The following MITF variants were observed in gnomAD, a reference collection of about 807,000 sequenced individuals.
MITF encodes the protein microphthalmia-associated transcription factor.
A neutral mutation model predicts 60.5 loss-of-function variants in MITF; 17 were observed. The observed-to-expected ratio is 0.28, with a 90% CI of 0.19 to 0.42. The LOEUF (loss-of-function observed/expected upper bound fraction) is 0.42. Among genes scored for constraint, MITF ranks in the 10% least tolerant of loss-of-function variants. The probability of loss-of-function intolerance (pLI) is 1.00; values close to 1 mark genes in which losing one functional copy is unlikely to be tolerated. For missense variants in MITF, 622 were observed against 683.5 expected, an observed-to-expected ratio of 0.91 and a Z score of 1.00; for synonymous variants, 260 against 248.5, an observed-to-expected ratio of 1.05 and a Z score of -0.43.
intron 2 of MITF, among the ~76,000 whole-genome samples, chr3:69,893,888 G>A (rs955195170): frequency 6.6e-5 from 10 of 152,144 alleles, no homozygotes; most frequent in African/African-American, 2.4e-4. Flanking sequence ...CTACATAAAA[G>A]ACTTATATGT....
intron 2 of MITF, among the ~76,000 whole-genome samples, chr3:69,892,461 A>G (rs932821901): frequency 4.6e-5 from 7 of 152,258 alleles, no homozygotes; most frequent in African/African-American, 1.7e-4. Flanking sequence ...TCCAAACTTT[A>G]TGTTAGTGTT....
chr3:69,901,515 A>G (rs1174995514), intron 2 of MITF, among the ~76,000 whole-genome samples: 2 of 151,568 alleles, frequency 1.3e-5, no homozygotes, highest in Non-Finnish European at 2.9e-5. Context: ...CCACACTTCA[A>G]TTTTCTTTAA....
chr3:69,783,280 T>C (rs998253287), intron 1 of MITF, among the ~76,000 whole-genome samples: 4 of 152,162 alleles, frequency 2.6e-5, no homozygotes, highest in African/African-American at 9.7e-5. Flanking sequence ...GGATGCTCCT[T>C]GTCTCTCTTG....
intron 1 of MITF, among the ~76,000 whole-genome samples, chr3:69,753,988 G>A (rs558247217): frequency 6.6e-6 from 1 of 152,268 alleles, no homozygotes; most frequent in South Asian, 2.1e-4. Context: ...GAAGGAAGAA[G>A]GATATGTGAT....
At chr3:69,820,782 G>T (rs922017837) in intron 1 of MITF, among the ~76,000 whole-genome samples, 1 of 152,098 alleles carries the variant, frequency 6.6e-6, no homozygotes, top group South Asian at 2.1e-4. Flanking sequence ...TGCACTTTGG[G>T]CAACATCGTG....
At chr3:69,783,654 A>T (rs1404166928) in intron 1 of MITF, among the ~76,000 whole-genome samples, 1 of 152,044 alleles carries the variant, frequency 6.6e-6, no homozygotes, top group Non-Finnish European at 1.5e-5. Context: ...TATTATACTT[A>T]TTTGCAAGGT....
chr3:69,845,278 A>G (rs1185750715), intron 1 of MITF, among the ~76,000 whole-genome samples: 1 of 151,936 alleles, frequency 6.6e-6, no homozygotes, highest in African/African-American at 2.4e-5. Flanking sequence ...AAATTAGGAG[A>G]ATGACTTCTT....
chr3:69,740,042 C>T (rs1158399726), intron 1 of MITF, among the ~76,000 whole-genome samples: 1 of 152,098 alleles, frequency 6.6e-6, no homozygotes, highest in Admixed American at 6.5e-5. Context: ...GAGCGCCGGG[C>T]CGGGACGCTG....
chr3:69,967,544 A>G lies in MITF; in HGVS notation c.*2296A>G, dbSNP rs535886945. 22 of 233,572 alleles carry G rather than the reference A, an allele frequency of 9.4e-5. 1 individual carries two copies. In the South Asian group the frequency reaches 3.6e-3, roughly 38 times the overall value. The allele number at this position is 233,572 out of a possible 1,614,324, so 14.5% of individuals were successfully genotyped here. ...AACAGGACCATGGTTAAGCAACCAT[A>G]TAGAAAGCTTTGTTGAAAGAAAGTA... On this transcript the variant is annotated 3_prime_UTR_variant, in exon 10 of 10. Transcript: ENST00000352241.
chr3:69,840,706 C>A (rs2063620315), intron 1 of MITF, among the ~76,000 whole-genome samples: 1 of 151,602 alleles, frequency 6.6e-6, no homozygotes, highest in African/African-American at 2.4e-5. Flanking sequence ...TATTTCTCAA[C>A]ATGTCATCGA....
intron 4 of MITF, among the ~76,000 whole-genome samples, chr3:69,939,440 A>G (rs2065920580): frequency 6.6e-6 from 1 of 152,152 alleles, no homozygotes; most frequent in South Asian, 2.1e-4. Context: ...AAATTTTAAT[A>G]AGATATGAAA....
intron 1 of MITF, among the ~76,000 whole-genome samples, chr3:69,870,440 A>ATATTTT (rs1435617160): frequency 3.0e-5 from 4 of 135,260 alleles, no homozygotes; most frequent in African/African-American, 1.1e-4. Flanking sequence ...ATATATATAT[A>ATATTTT]TTTTTTTTTT....
At chr3:69,797,774 A>G (rs529570399) in intron 1 of MITF, among the ~76,000 whole-genome samples, 1 of 152,336 alleles carries the variant, frequency 6.6e-6, no homozygotes, top group African/African-American at 2.4e-5. Flanking sequence ...AACATTTTTC[A>G]TCTATAACCA....
intron 1 of MITF, among the ~76,000 whole-genome samples, chr3:69,845,650 GTGTT>G (rs1009140825): frequency 2.9e-4 from 44 of 152,038 alleles, no homozygotes; most frequent in African/African-American, 1.0e-3. Context: ...GCCTTTAGAT[GTGTT>G]TGTGTCTAGT....
chr3:69,894,465 C>G (rs913629207), intron 2 of MITF, among the ~76,000 whole-genome samples: 1 of 152,120 alleles, frequency 6.6e-6, no homozygotes, highest in Non-Finnish European at 1.5e-5. Flanking sequence ...GTGGGTGGAT[C>G]ACCTGAGGTC....
chr3:69,773,362 G>A (rs545387479), intron 1 of MITF, among the ~76,000 whole-genome samples: 5 of 152,278 alleles, frequency 3.3e-5, no homozygotes, highest in South Asian at 4.1e-4. Context: ...ATTGGGAGCC[G>A]TTGCAGATTT....
At chr3:69,872,259 T>G (rs1204301437) in intron 1 of MITF, among the ~76,000 whole-genome samples, 9 of 152,116 alleles carry the variant, frequency 5.9e-5, no homozygotes, top group Admixed American at 5.9e-4. Context: ...TTAAAATATC[T>G]TTTAGTAAGA....
chr3:69,902,532 G>A (rs2065015827), intron 2 of MITF, among the ~76,000 whole-genome samples: 1 of 152,138 alleles, frequency 6.6e-6, no homozygotes, highest in South Asian at 2.1e-4. Context: ...GGTTTGCATG[G>A]ATAATTTATA....
intron 1 of MITF, among the ~76,000 whole-genome samples, chr3:69,784,886 A>G (rs60562783): frequency 0.014 from 2,099 of 152,244 alleles, 45 homozygotes; most frequent in African/African-American, 0.048. Flanking sequence ...GTCAGATCCA[A>G]GGTTTGTGTT....
Sources: gnomAD v4.1 joint callset for allele counts (sites outside exome capture counted in the v4.1 genomes callset) on GRCh38, gnomAD v4.1.1 for gene constraint, MANE v1.5 for transcripts, NCBI Gene and HGNC (gene_info 2026-07-23, HGNC 2026-07-21) for gene names.